DMBT1: variants seen among roughly 807,000 people sequenced by gnomAD.
DMBT1 encodes the protein scavenger receptor cysteine-rich domain-containing protein DMBT1.
DMBT1 carries 198 observed loss-of-function variants against 252.9 expected under a neutral mutation model. The ratio of observed to expected loss-of-function variants is 0.78; its 90% confidence interval spans 0.70 to 0.88. The LOEUF (loss-of-function observed/expected upper bound fraction) is 0.88. Ranked by LOEUF, DMBT1 falls within the 40% of genes least tolerant of loss-of-function variation. DMBT1 has a pLI of 0.00. For synonymous variants in DMBT1, 990 were observed against 942.7 expected (o/e 1.05, Z -0.92); for missense variants, 2,432 against 2,404.7 (o/e 1.01, Z -0.24).
intron 17 of DMBT1, 107 bp downstream of exon 17, chr10:122,589,374 G>A: frequency 6.7e-7 from 1 of 1,490,000 alleles, no homozygotes; most frequent in Non-Finnish European, 9.1e-7. Flanking sequence ...CCTTTCCTAT[G>A]TTTCTGATAT....
At position 122,593,200 on chromosome 10, in the gene DMBT1, G is replaced by T. The variant is rs948297571; in HGVS notation, c.2501-369G>T. Among the ~76,000 whole-genome samples the T allele has an allele frequency of 4.0e-5, 6 of 148,912 alleles. 2 individuals carry two copies. The highest frequency in any genetic ancestry group is 9.0e-5 in the Non-Finnish European group (6 of 66,812). The stretch of plus-strand genomic sequence containing the variant: ...GGGCAGCCCCCATGAGACAGGCCAG[G>T]CATGGCCTTGTTATTGCCTGTGGTC... On this transcript the variant is annotated intron_variant, in intron 20 of 55. Coordinates refer to ENST00000338354, the MANE Select transcript of DMBT1 (RefSeq NM_001377530.1).
chr10:122,599,663 G>A (rs2097921016), intron 26 of DMBT1, among the ~76,000 whole-genome samples: 1 of 152,238 alleles, frequency 6.6e-6, no homozygotes, highest in Non-Finnish European at 1.5e-5. Flanking sequence ...CAGGTCTGGT[G>A]TGGGGAGGGC....
chr10:122,631,074 C>A lies in DMBT1; in HGVS notation c.6139C>A (p.Gln2047Lys). The A allele has an allele frequency of 6.2e-7, 1 of 1,613,976 alleles. No individual in the cohort carries two copies. Among genetic ancestry groups the A allele is most frequent in the Non-Finnish European group, 8.5e-7 (1 of 1,179,900 alleles). ...GTVCDDSWTI[Q>K]EAEVVCRQLG... is the part of the protein sequence containing the mutation. ...AGTTTGTGATGACTCCTGGACCATT[C>A]AGGAAGCTGAGGTGGTCTGCAGACA... The change falls in exon 49 of 56, where the codon CAG becomes AAG. Residue 2047 changes from glutamine (Q) to lysine (K), a missense_variant. By Grantham distance (53) the Gln-to-Lys change is moderately conservative (BLOSUM62 1). Coordinates refer to ENST00000338354, the MANE Select transcript of DMBT1 (RefSeq NM_001377530.1).
Position 122,598,848 on chromosome 10 carries a change from C to G in DMBT1, c.3031C>G (p.Gln1011Glu), listed in dbSNP as rs1468263764. The change falls in exon 26 of 56, where the codon CAA (glutamine) becomes GAA (glutamate). Residue 1011 changes from glutamine to glutamate, a missense_variant. Physicochemically the swap from Gln to Glu is conservative, Grantham distance 29 (BLOSUM62 2). Transcript: ENST00000338354. ...TCAGGGCCGAGTGGAGGTCCTATACCAAGGCTCCTGGGGCACCGTGTGCGA... is the reference window on the plus strand; with the variant it reads ...TCAGGGCCGAGTGGAGGTCCTATACGAAGGCTCCTGGGGCACCGTGTGCGA... ...RCQGRVEVLY[Q>E]GSWGTVCDDS... 4 of 1,613,724 alleles carry G rather than the reference C, an allele frequency of 2.5e-6. No individual in the cohort carries two copies. The highest frequency in any genetic ancestry group is 3.4e-6 in the Non-Finnish European group (4 of 1,179,770).
chr10:122,597,654 T>C (rs2097895469), intron 24 of DMBT1, among the ~76,000 whole-genome samples: 1 of 152,174 alleles, frequency 6.6e-6, no homozygotes, highest in Admixed American at 6.5e-5. Context: ...ACATTTTAGC[T>C]CGAGCTAGTA....
chr10:122,586,369 G>A lies in DMBT1; in HGVS notation c.1769G>A (p.Gly590Asp), dbSNP rs1340820817. The A allele has an allele frequency of 6.3e-7, 1 of 1,588,604 alleles. No homozygotes were observed. The highest frequency in any genetic ancestry group is 2.3e-5 in the East Asian group (1 of 42,738). The change falls in exon 16 of 56, where the codon GGT (glycine) becomes GAT (aspartate). Residue 590 changes from glycine (G) to aspartate (D), a missense_variant. Physicochemically the swap from Gly to Asp is moderately conservative, Grantham distance 94. Around this residue, in one of 3 missense-constraint regions of DMBT1, gnomAD observed 1,264 missense variants for 1,082.2 expected, o/e 1.17. Transcript: ENST00000338354. ...SHNCGHSEDA[G>D]VICSGPESSL... ...AACTGTGGCCATAGTGAAGACGCTGGTGTCATCTGCTCAGGTGGGCCTCCA... is the reference window on the plus strand; with the variant it reads ...AACTGTGGCCATAGTGAAGACGCTGATGTCATCTGCTCAGGTGGGCCTCCA...
In DMBT1 at chr10:122,598,976, A is replaced by G; in HGVS notation, c.3159A>G (p.Gly1053=). ...ATGCCCGGTTTGGTCAGGGCTCAGG[A>G]CCCATTGTCCTGGATGATGTGCGCT... ...PGNARFGQGS[G]PIVLDDVRCS... Residue 1053 remains glycine, a synonymous_variant, in exon 26 of 56, where the codon GGA becomes GGG. Transcript: ENST00000338354. 6.2e-7 allele frequency: 1 copy of G among 1,613,658 alleles called. No homozygotes were observed. The highest frequency in any genetic ancestry group is 2.2e-5 in the East Asian group (1 of 44,854).
At chr10:122,571,779 G>T (rs2097665951) in intron 4 of DMBT1, among the ~76,000 whole-genome samples, 1 of 152,218 alleles carries the variant, frequency 6.6e-6, no homozygotes, top group Non-Finnish European at 1.5e-5. Flanking sequence ...AGGCTACCAT[G>T]CCTGGGGTGT....
chr10:122,564,870 T>A (rs74160190), intron 1 of DMBT1, among the ~76,000 whole-genome samples: 1 of 152,334 alleles, frequency 6.6e-6, no homozygotes, highest in African/African-American at 2.4e-5. Flanking sequence ...GAGTGCTATA[T>A]CTTGTCTCTA....
chr10:122,625,201 G>A, intron 44 of DMBT1, 76 bp from the exon 45 acceptor site: 2 of 1,416,392 alleles, frequency 1.4e-6, no homozygotes, highest in Non-Finnish European at 2.0e-6. Flanking sequence ...ATGAGATGGG[G>A]ACAGGCACTC....
chr10:122,579,018 T>G (rs2097739338), intron 9 of DMBT1, among the ~76,000 whole-genome samples: 1 of 152,038 alleles, frequency 6.6e-6, no homozygotes, highest in Admixed American at 6.5e-5. Flanking sequence ...TTTTTCATGT[T>G]TCTGTGGGTT....
intron 41 of DMBT1, 58 bp downstream of exon 41, chr10:122,618,398 A>C (rs972499290): frequency 2.1e-5 from 34 of 1,612,732 alleles, no homozygotes; most frequent in African/African-American, 6.7e-5. Flanking sequence ...CAGGAAGAAA[A>C]TCCTAATTAC....
intron 2 of DMBT1, among the ~76,000 whole-genome samples, chr10:122,569,389 C>T (rs760994850): frequency 1.2e-4 from 19 of 152,310 alleles, no homozygotes; most frequent in Non-Finnish European, 2.2e-4. Flanking sequence ...TACTTAATAT[C>T]CTCAATGGAA....
intron 1 of DMBT1, among the ~76,000 whole-genome samples, chr10:122,564,864 G>A (rs1004373439): frequency 1.3e-5 from 2 of 152,094 alleles, no homozygotes; most frequent in Non-Finnish European, 2.9e-5. Context: ...TATCTGGAGT[G>A]CTATATCTTG....
In DMBT1 at chr10:122,592,351, C is replaced by T; in HGVS notation, c.2256C>T (p.Gly752=). Residue 752 remains glycine (G), a synonymous_variant, in exon 20 of 56, where the codon GGC becomes GGT. Transcript: ENST00000338354. ...CQGRVEVLYR[G]SWGTVCDDSW... ...GCCGAGTAGAGGTCCTATACCGAGG[C>T]TCCTGGGGCACCGTGTGTGATGACA... The T allele has an allele frequency of 6.3e-7, 1 of 1,588,278 alleles. No individual in the cohort carries two copies. Among genetic ancestry groups the T allele is most frequent in the South Asian group, 1.2e-5 (1 of 86,936 alleles).
At chr10:122,630,177 C>G in intron 47 of DMBT1, 111 bp from the exon 48 acceptor site, 1 of 1,357,968 alleles carries the variant, frequency 7.4e-7, no homozygotes, top group South Asian at 1.3e-5. Flanking sequence ...TGAGGAAGAG[C>G]TAGAAGAAAA....
At chr10:122,631,352 G>A in intron 49 of DMBT1, 71 bp downstream of exon 49, 1 of 1,557,056 alleles carries the variant, frequency 6.4e-7, no homozygotes, top group South Asian at 1.2e-5. Flanking sequence ...AAGGCCAGTG[G>A]CTGATGGTGT....
At chr10:122,590,592 G>T (rs1423454497) in intron 17 of DMBT1, 73 bp from the exon 18 acceptor site, 5 of 1,541,074 alleles carry the variant, frequency 3.2e-6, no homozygotes, top group Non-Finnish European at 4.4e-6. Flanking sequence ...TACCAGTTTA[G>T]TTCCTTGTAC....
Position 122,585,823 on chromosome 10 carries a change from C to T in DMBT1, c.1460-237C>T, listed in dbSNP as rs137864586. Among the ~76,000 whole-genome samples, 13 of 148,770 alleles carry T rather than the reference C, an allele frequency of 8.7e-5. No homozygotes were observed. The South Asian group carries it at 9.1e-4, about 10-fold the overall frequency. On this transcript the variant is annotated intron_variant, in intron 15 of 55. Coordinates refer to ENST00000338354, the MANE Select transcript of DMBT1 (RefSeq NM_001377530.1). ...TGCCCAGGTTAGGGAATGGGGTTTC[C>T]GTTCCTGTTAACTCCAGTAGGGTCA...
Sources: allele counts gnomAD v4.1 joint callset (sites outside exome capture counted in the v4.1 genomes callset), GRCh38; gene constraint gnomAD v4.1.1; regional missense constraint gnomAD v4.1.1; transcripts MANE v1.5; gene names NCBI Gene and HGNC (gene_info 2026-07-23, HGNC 2026-07-21).